NEDD9: variants seen among roughly 807,000 people sequenced by gnomAD.
NEDD9 encodes the protein neural precursor cell expressed, developmentally down-regulated 9, also known as enhancer of filamentation 1.
A neutral mutation model predicts 76.6 loss-of-function variants in NEDD9; 26 were observed. The ratio of observed to expected loss-of-function variants is 0.34; its 90% CI spans 0.25 to 0.47. NEDD9 has a LOEUF of 0.47. Ranked by LOEUF, NEDD9 falls within the 20% of genes least tolerant of loss-of-function variation. The pLI is 1.00. For missense variants in NEDD9, 937 were observed against 1,058.5 expected (o/e 0.89, Z 1.59); for synonymous variants, 392 against 414.2 (o/e 0.95, Z 0.65).
chr6:11,190,570 G>T lies in NEDD9; in HGVS notation c.1299C>A (p.Thr433=). Residue 433 remains threonine, a synonymous_variant, in exon 5 of 7, where the codon ACC becomes ACA. Coordinates refer to ENST00000379446, the MANE Select transcript of NEDD9 (RefSeq NM_006403.4). This position sits in a 1 kb window ranked among gnomAD's most constrained non-coding sequence, Gnocchi z 5.8. ...GVSSLMALVT[T]DWRCYGYMER... ...CCATATATCCGTAACACCGCCAGTC[G>T]GTAGTGACCAGTGCCATTAGGCTGG... 6.2e-7 allele frequency: 1 copy of T among 1,614,160 alleles called. No homozygotes were observed. The highest frequency in any genetic ancestry group is 8.5e-7 in the Non-Finnish European group (1 of 1,180,024).
intron 1 of NEDD9, among the ~76,000 whole-genome samples, chr6:11,344,146 G>T (rs868688766): frequency 1.1e-4 from 17 of 152,156 alleles, no homozygotes; most frequent in African/African-American, 4.1e-4. Context: ...GGTGTAGTGG[G>T]CTCATGACAC....
At chr6:11,339,285 G>A (rs933547340) in intron 1 of NEDD9, among the ~76,000 whole-genome samples, 4 of 152,082 alleles carry the variant, frequency 2.6e-5, no homozygotes. Flanking sequence ...TGACTGCATA[G>A]TATTTCTTTG....
intron 2 of NEDD9, among the ~76,000 whole-genome samples, chr6:11,210,766 GGAGAGAGAGA>G (rs147934321): frequency 2.9e-4 from 35 of 121,930 alleles, no homozygotes; most frequent in African/African-American, 1.1e-3. Flanking sequence ...AGGGATGGGG[GGAGAGAGAGA>G]GAGAGAGAGA....
At chr6:11,233,193 T>TGA, upstream of NEDD9, 1 of 515,986 alleles carries the variant, frequency 1.9e-6, no homozygotes, top group South Asian at 1.4e-5. Flanking sequence ...GCCTACTTTT[T>TGA]GTGTGTGTGT....
chr6:11,243,032 T>TTTTTACA (rs1418586771), intron 3 of NEDD9, among the ~76,000 whole-genome samples: 1 of 152,172 alleles, frequency 6.6e-6, no homozygotes, highest in East Asian at 1.9e-4. Flanking sequence ...ATACTCCAGA[T>TTTTTACA]TTTTACATTT....
chr6:11,338,952 G>C (rs1002173897), intron 1 of NEDD9, among the ~76,000 whole-genome samples: 2 of 151,076 alleles, frequency 1.3e-5, no homozygotes, highest in African/African-American at 4.9e-5. Context: ...AACTATGGTT[G>C]TTATTTTCTT....
At chr6:11,332,960 A>G (rs1468811596) in intron 2 of NEDD9, among the ~76,000 whole-genome samples, 1 of 151,960 alleles carries the variant, frequency 6.6e-6, no homozygotes, top group South Asian at 2.1e-4. Context: ...ATATATGAGG[A>G]GTCCCACGGT....
At chr6:11,345,671 C>A (rs376095171) in intron 1 of NEDD9, among the ~76,000 whole-genome samples, 1 of 152,316 alleles carries the variant, frequency 6.6e-6, no homozygotes, top group South Asian at 2.1e-4. Context: ...TCCAAAGAGA[C>A]TTCCTGGAGT....
chr6:11,293,806 A>G (rs1301032879), intron 3 of NEDD9, among the ~76,000 whole-genome samples: 1 of 151,994 alleles, frequency 6.6e-6, no homozygotes, highest in Non-Finnish European at 1.5e-5. Flanking sequence ...CAGTCCCCCA[A>G]CCCCTGGTAA....
chr6:11,245,440 C>T (rs1159365382), intron 3 of NEDD9, among the ~76,000 whole-genome samples: 2 of 152,154 alleles, frequency 1.3e-5, no homozygotes, highest in African/African-American at 4.8e-5. Context: ...TATTACATTT[C>T]CTTGCCAGTT....
chr6:11,374,425 C>T (rs1309708224), intron 1 of NEDD9, among the ~76,000 whole-genome samples: 1 of 152,188 alleles, frequency 6.6e-6, no homozygotes, highest in East Asian at 1.9e-4. Context: ...CACCAGCATA[C>T]TACTGTGCTT....
At chr6:11,366,964 C>G (rs747982773) in intron 1 of NEDD9, among the ~76,000 whole-genome samples, 1 of 152,122 alleles carries the variant, frequency 6.6e-6, no homozygotes, top group Non-Finnish European at 1.5e-5. Context: ...ATATTTTGAT[C>G]CAATGTTGTT....
intron 2 of NEDD9, chr6:11,200,834 A>C: frequency 6.6e-7 from 1 of 1,519,256 alleles, no homozygotes; most frequent in Non-Finnish European, 8.8e-7. Flanking sequence ...AGAGCAGCTC[A>C]AGACACGCCA....
At chr6:11,209,970 C>CTTTTGTTTTTTTTTTTTTTTT (rs1554125208) in intron 2 of NEDD9, among the ~76,000 whole-genome samples, 1 of 131,072 alleles carries the variant, frequency 7.6e-6, no homozygotes, top group Admixed American at 8.2e-5. Context: ...AATTCACTGT[C>CTTTTGTTTTTTTTTTTTTTTT]TTTTTTTTTT....
chr6:11,261,604 T>C (rs1760117754), intron 3 of NEDD9, among the ~76,000 whole-genome samples: 2 of 152,362 alleles, frequency 1.3e-5, no homozygotes, highest in Middle Eastern at 6.8e-3. Flanking sequence ...GAGTTGTGTC[T>C]TACCTGTTAT....
In NEDD9 at chr6:11,223,682, G is replaced by A. The variant is rs114340219; in HGVS notation, c.12+8822C>T. On this transcript the variant is annotated intron_variant, in intron 1 of 6. Transcript: ENST00000379446. ...GTGCTGCGGGCTATGAGGCGAGAGCGCCCATGCCAGGTTTAAAGCAAGAAC... is the reference window on the plus strand; with the variant it reads ...GTGCTGCGGGCTATGAGGCGAGAGCACCCATGCCAGGTTTAAAGCAAGAAC... Among the ~76,000 whole-genome samples, 1,415 of 152,282 alleles carry A rather than the reference G, an allele frequency of 9.3e-3. 13 individuals are homozygous for A. The highest frequency in any genetic ancestry group is 0.032 in the African/African-American group (1,329 of 41,544).
At chr6:11,185,772 G>A (rs1391983859) in intron 6 of NEDD9, 101 bp from the exon 7 acceptor site, 1 of 1,377,436 alleles carries the variant, frequency 7.3e-7, no homozygotes, top group East Asian at 2.4e-5. Flanking sequence ...TTAGTCGCTA[G>A]TAACTGTCAG....
chr6:11,232,468 A>G, intron 1 of NEDD9, 36 bp downstream of exon 1: 1 of 1,613,892 alleles, frequency 6.2e-7, no homozygotes. Context: ...CACAGCTTTC[A>G]GCTTGCAAGG....
intron 2 of NEDD9, among the ~76,000 whole-genome samples, chr6:11,309,618 A>C (rs1016515682): frequency 1.3e-5 from 2 of 152,226 alleles, no homozygotes; most frequent in African/African-American, 4.8e-5. Flanking sequence ...CTCATCAACA[A>C]GGTATAATAG....
Sources: allele counts gnomAD v4.1 joint callset (sites outside exome capture counted in the v4.1 genomes callset), GRCh38; gene constraint gnomAD v4.1.1; non-coding constraint Gnocchi (gnomAD v3.1); transcripts MANE v1.5; gene names NCBI Gene and HGNC (gene_info 2026-07-23, HGNC 2026-07-21).